The following ST6GALNAC3 variants were observed in gnomAD, a reference collection of about 807,000 sequenced individuals.
ST6GALNAC3 encodes the protein alpha-N-acetylgalactosaminide alpha-2,6-sialyltransferase 3.
A neutral mutation model predicts 32.7 loss-of-function variants in ST6GALNAC3; 25 were observed. That is an observed-to-expected ratio of 0.76 (90% confidence interval 0.56 to 1.07). The LOEUF is 1.07. Ranked by LOEUF, ST6GALNAC3 falls within the 50% of genes least tolerant of loss-of-function variation. The probability of loss-of-function intolerance (pLI) is 0.00; values close to 1 mark genes in which losing one functional copy is unlikely to be tolerated. For synonymous variants in ST6GALNAC3, 129 were observed against 133.1 expected, an observed-to-expected ratio of 0.97 and a Z score of 0.21; for missense variants, 355 against 382.4, an observed-to-expected ratio of 0.93 and a Z score of 0.60.
At chr1:76,458,571 T>C (rs1389001630) in intron 3 of ST6GALNAC3, among the ~76,000 whole-genome samples, 1 of 148,826 alleles carries the variant, frequency 6.7e-6, no homozygotes, top group Non-Finnish European at 1.5e-5. Context: ...AATGATGAAT[T>C]CATGTCCTTT....
intron 1 of ST6GALNAC3, among the ~76,000 whole-genome samples, chr1:76,179,566 T>G (rs954792115): frequency 2.6e-5 from 4 of 152,232 alleles, no homozygotes; most frequent in Admixed American, 1.3e-4. Context: ...TTTAAAGATA[T>G]GACTCAGGTT....
chr1:76,477,483 GC>G (rs1367860159), intron 3 of ST6GALNAC3, among the ~76,000 whole-genome samples: 2 of 152,140 alleles, frequency 1.3e-5, no homozygotes, highest in African/African-American at 4.8e-5. Flanking sequence ...TGGTCAAGCA[GC>G]TTCCTTTGCT....
intron 3 of ST6GALNAC3, among the ~76,000 whole-genome samples, chr1:76,484,087 G>C (rs1419600502): frequency 6.6e-6 from 1 of 152,276 alleles, no homozygotes; most frequent in East Asian, 1.9e-4. Context: ...CTATATGTCT[G>C]TTTTGGTACC....
intron 2 of ST6GALNAC3, among the ~76,000 whole-genome samples, chr1:76,344,582 C>T (rs934209829): frequency 6.6e-6 from 1 of 152,076 alleles, no homozygotes; most frequent in Non-Finnish European, 1.5e-5. Context: ...GAAGAGTAAC[C>T]GGCACATAGT....
chr1:76,476,554 T>A (rs138349922), intron 3 of ST6GALNAC3, among the ~76,000 whole-genome samples: 162 of 152,330 alleles, frequency 1.1e-3, no homozygotes, highest in African/African-American at 3.7e-3. Context: ...AGACCATTGA[T>A]CATTTTATTT....
intron 1 of ST6GALNAC3, among the ~76,000 whole-genome samples, chr1:76,206,731 A>T (rs1397932154): frequency 7.0e-6 from 1 of 143,130 alleles, no homozygotes; most frequent in Non-Finnish European, 1.5e-5. Context: ...GACTCTGTCT[A>T]AAAAAAAAAA....
intron 3 of ST6GALNAC3, among the ~76,000 whole-genome samples, chr1:76,606,578 G>A (rs989129503): frequency 6.6e-6 from 1 of 152,104 alleles, no homozygotes; most frequent in Non-Finnish European, 1.5e-5. Flanking sequence ...TGGAGGGGGA[G>A]GAGGGAGAGC....
rs575782752 is a variant in ST6GALNAC3 at position 76,409,134 on chromosome 1, G to A, written c.214-2874G>A. On this transcript the variant is annotated intron_variant, in intron 2 of 4. Coordinates refer to ENST00000328299, the MANE Select transcript of ST6GALNAC3 (RefSeq NM_152996.4). ...CCTTGTGCCTCCATTTTGGTCACTG[G>A]TGAAGTCTTCACTATGGCACTAACC... Among the ~76,000 whole-genome samples, 5 of 152,232 alleles carry A rather than the reference G, an allele frequency of 3.3e-5. No individual in the cohort carries two copies. In the South Asian group the frequency reaches 8.3e-4, roughly 25 times the overall value.
chr1:76,529,662 C>T (rs1170950994), intron 3 of ST6GALNAC3, among the ~76,000 whole-genome samples: 2 of 152,122 alleles, frequency 1.3e-5, no homozygotes, highest in Non-Finnish European at 2.9e-5. Context: ...GACACAATTA[C>T]CAATCTTGTG....
intron 1 of ST6GALNAC3, among the ~76,000 whole-genome samples, chr1:76,247,411 C>A (rs960939298): frequency 1.3e-5 from 2 of 152,162 alleles, no homozygotes; most frequent in Admixed American, 1.3e-4. Flanking sequence ...ACAGAAACTG[C>A]GGACTTAACC....
chr1:76,458,897 A>T lies in ST6GALNAC3; in HGVS notation c.623+46480A>T, dbSNP rs532023697. Among the ~76,000 whole-genome samples the T allele has an allele frequency of 2.4e-3, 363 of 149,792 alleles. 1 individual carries two copies. Among genetic ancestry groups the T allele is most frequent in the African/African-American group, 8.1e-3 (332 of 40,898 alleles). On this transcript the variant is annotated intron_variant, in intron 3 of 4. Transcript: ENST00000328299. ...CTTAAAGTATAACAATAATAAATTT[A>T]AAAAAAAAAGAAAAAAGGAAAAATA...
intron 2 of ST6GALNAC3, among the ~76,000 whole-genome samples, chr1:76,319,425 A>G (rs1400518251): frequency 2.0e-5 from 3 of 152,204 alleles, no homozygotes; most frequent in Non-Finnish European, 4.4e-5. Flanking sequence ...CACTAGCCTA[A>G]TTAAAGATGT....
chr1:76,595,871 G>A (rs1215198677), intron 3 of ST6GALNAC3, among the ~76,000 whole-genome samples: 2 of 152,072 alleles, frequency 1.3e-5, no homozygotes, highest in African/African-American at 2.4e-5. Flanking sequence ...TAGGGCAATG[G>A]GGGTGTCCTG....
chr1:76,266,868 C>T (rs1439014817), intron 1 of ST6GALNAC3, among the ~76,000 whole-genome samples: 1 of 152,198 alleles, frequency 6.6e-6, no homozygotes, highest in Non-Finnish European at 1.5e-5. Context: ...CAATCTCAGG[C>T]CCAGCTGTTC....
intron 1 of ST6GALNAC3, among the ~76,000 whole-genome samples, chr1:76,096,429 G>A (rs1017184322): frequency 7.9e-5 from 12 of 152,116 alleles, no homozygotes; most frequent in Non-Finnish European, 1.2e-4. Flanking sequence ...TTTCTTTAAT[G>A]ACTTGGAATA....
intron 3 of ST6GALNAC3, among the ~76,000 whole-genome samples, chr1:76,594,533 C>T (rs534988420): frequency 9.9e-5 from 15 of 152,128 alleles, no homozygotes; most frequent in Admixed American, 5.9e-4. Context: ...TAATTACATT[C>T]GGATATTTTC....
intron 3 of ST6GALNAC3, among the ~76,000 whole-genome samples, chr1:76,507,452 C>T (rs931038199): frequency 1.3e-5 from 2 of 152,200 alleles, no homozygotes; most frequent in African/African-American, 4.8e-5. Flanking sequence ...CCCCCCAACA[C>T]TTGCTGGGCC....
At chr1:76,203,587 G>T (rs1376273832) in intron 1 of ST6GALNAC3, among the ~76,000 whole-genome samples, 8 of 152,076 alleles carry the variant, frequency 5.3e-5, no homozygotes, top group African/African-American at 1.7e-4. Flanking sequence ...AGACAATAAG[G>T]AGTGATAAGA....
intron 1 of ST6GALNAC3, among the ~76,000 whole-genome samples, chr1:76,299,210 T>C (rs577614614): frequency 6.6e-6 from 1 of 151,978 alleles, no homozygotes; most frequent in African/African-American, 2.4e-5. Flanking sequence ...GAAGGAGACA[T>C]GAGGGTGTGG....
Sources: gnomAD v4.1 joint callset for allele counts (sites outside exome capture counted in the v4.1 genomes callset) on GRCh38, gnomAD v4.1.1 for gene constraint, MANE v1.5 for transcripts, NCBI Gene and HGNC (gene_info 2026-07-23, HGNC 2026-07-21) for gene names.